The following ERGIC1 variants were observed in gnomAD, a reference collection of about 807,000 sequenced individuals.
ERGIC1 encodes the protein endoplasmic reticulum-golgi intermediate compartment 1.
In ERGIC1, 19 loss-of-function variants were observed where a neutral mutation model predicts 38.3. The ratio of observed to expected loss-of-function variants is 0.50; its 90% CI spans 0.35 to 0.73. ERGIC1 has a LOEUF of 0.73. Ranked by LOEUF, ERGIC1 falls within the 30% of genes least tolerant of loss-of-function variation. The pLI, the probability that ERGIC1 is intolerant of heterozygous loss-of-function variation, is 0.01. For synonymous variants in ERGIC1, 124 were observed against 157.6 expected (o/e 0.79, Z 1.60); for missense variants, 294 against 389.2 (o/e 0.76, Z 2.06).
At chr5:172,910,716 G>A (rs544168255) in intron 4 of ERGIC1, among the ~76,000 whole-genome samples, 19 of 151,942 alleles carry the variant, frequency 1.3e-4, no homozygotes, top group African/African-American at 4.6e-4. Flanking sequence ...GTAGAGACGG[G>A]GTTTCACCAT....
chr5:172,860,916 G>A lies in ERGIC1; in HGVS notation c.20+26483G>A, dbSNP rs143087283. Among the ~76,000 whole-genome samples, 430 of 152,334 alleles carry A rather than the reference G, an allele frequency of 2.8e-3. 1 individual carries two copies. Among genetic ancestry groups the A allele is most frequent in the African/African-American group, 0.01 (418 of 41,570 alleles). The stretch of plus-strand genomic sequence containing the variant: ...GACTGTGTGGGGAGGAAGGGCCGGC[G>A]AGAGCGGATGTAGGCTGAGCCAGCC... On this transcript the variant is annotated intron_variant, in intron 1 of 9. Coordinates refer to ENST00000393784, the MANE Select transcript of ERGIC1 (RefSeq NM_001031711.3).
intron 2 of ERGIC1, among the ~76,000 whole-genome samples, chr5:172,895,730 A>C (rs1197001265): frequency 1.3e-5 from 2 of 152,040 alleles, no homozygotes; most frequent in African/African-American, 4.8e-5. Flanking sequence ...TGGGAGGATG[A>C]GTAGGAGTTC....
At chr5:172,836,423 C>A (rs1221042022) in intron 1 of ERGIC1, among the ~76,000 whole-genome samples, 1 of 152,152 alleles carries the variant, frequency 6.6e-6, no homozygotes, top group Non-Finnish European at 1.5e-5. Flanking sequence ...TGTCAGGGGG[C>A]CCAGCTTAAC....
chr5:172,886,377 C>G (rs1762416980), intron 1 of ERGIC1, among the ~76,000 whole-genome samples: 1 of 152,066 alleles, frequency 6.6e-6, no homozygotes, highest in Admixed American at 6.5e-5. Context: ...CACACATCAC[C>G]CCCTGTAGGA....
intron 1 of ERGIC1, among the ~76,000 whole-genome samples, chr5:172,855,450 G>A (rs189989958): frequency 9.2e-5 from 14 of 152,264 alleles, no homozygotes; most frequent in African/African-American, 3.4e-4. Flanking sequence ...TATGTGCTGC[G>A]CCCTGTGCTG....
intron 1 of ERGIC1, among the ~76,000 whole-genome samples, chr5:172,845,879 C>T (rs563183357): frequency 4.6e-5 from 7 of 152,046 alleles, no homozygotes; most frequent in Admixed American, 3.3e-4. Context: ...ATCGAAGGTC[C>T]CACATTTGCA....
chr5:172,935,409 A>G, intron 9 of ERGIC1, 99 bp downstream of exon 9: 1 of 1,544,754 alleles, frequency 6.5e-7, no homozygotes, highest in Non-Finnish European at 8.8e-7. Context: ...TCGCTGAAAC[A>G]GGAGGCAGCC....
chr5:172,888,860 G>T, intron 2 of ERGIC1, 100 bp downstream of exon 2: 1 of 1,140,070 alleles, frequency 8.8e-7, no homozygotes, highest in South Asian at 1.2e-5. Context: ...AAGAAGGAAA[G>T]ACAGGAGGGA....
chr5:172,864,158 C>G (rs980159542), intron 1 of ERGIC1, among the ~76,000 whole-genome samples: 2 of 151,868 alleles, frequency 1.3e-5, no homozygotes, highest in Non-Finnish European at 2.9e-5. Flanking sequence ...GATCACGCCA[C>G]TGCACTCTAG....
At chr5:172,923,385 G>A (rs191500457) in intron 5 of ERGIC1, among the ~76,000 whole-genome samples, 1 of 150,844 alleles carries the variant, frequency 6.6e-6, no homozygotes, top group East Asian at 1.9e-4. Flanking sequence ...AGGGGGAGGA[G>A]GAGGGACTTC....
At chr5:172,923,918 C>A in intron 5 of ERGIC1, 87 bp from the exon 6 acceptor site, 1 of 1,174,100 alleles carries the variant, frequency 8.5e-7, no homozygotes, top group South Asian at 1.3e-5. Flanking sequence ...ATTCCAGTGT[C>A]CTCCCTGGAT....
chr5:172,864,714 G>A (rs914891804), intron 1 of ERGIC1, among the ~76,000 whole-genome samples: 2 of 151,940 alleles, frequency 1.3e-5, no homozygotes, highest in South Asian at 4.1e-4. Flanking sequence ...TTGTTGTAGA[G>A]GGTTAAAGCA....
At chr5:172,906,763 A>G (rs1763037267) in intron 3 of ERGIC1, among the ~76,000 whole-genome samples, 1 of 152,170 alleles carries the variant, frequency 6.6e-6, no homozygotes, top group South Asian at 2.1e-4. Flanking sequence ...TAAAATAACC[A>G]CAGCCCAGCC....
rs922797529 is a variant in ERGIC1, at chr5:172,906,316, C to T, written c.156-3351C>T. 4.6e-5 allele frequency: 17 copies of T among 371,206 alleles called. No individual in the cohort carries two copies. The Middle Eastern group carries it at 2.5e-3, about 54-fold the overall frequency. 23.0% of individuals were successfully genotyped at this position (371,206 alleles called of 1,614,324 possible). On this transcript the variant is annotated intron_variant, in intron 3 of 9. Coordinates refer to ENST00000393784, the MANE Select transcript of ERGIC1 (RefSeq NM_001031711.3). ...GAAAGGCTGGGTTGAGATTCTAGCT[C>T]GGCCATTTCCTAGCATGTGACTCCG...
chr5:172,918,499 C>T lies in ERGIC1; in HGVS notation c.375+3661C>T, dbSNP rs572168881. Among the ~76,000 whole-genome samples, 161 of 152,268 alleles carry T rather than the reference C, an allele frequency of 1.1e-3. 1 individual carries two copies. The highest frequency in any genetic ancestry group is 2.6e-4 in the Admixed American group (4 of 15,298). ...AACAAAAGGTGCAAGAAGGGGCAGTCGAACAGGAAGGAGGAAGCAAAGGCT... is the reference window on the plus strand; with the variant it reads ...AACAAAAGGTGCAAGAAGGGGCAGTTGAACAGGAAGGAGGAAGCAAAGGCT... On this transcript the variant is annotated intron_variant, in intron 5 of 9. Transcript: ENST00000393784.
intron 1 of ERGIC1, among the ~76,000 whole-genome samples, chr5:172,884,949 A>C (rs1762382566): frequency 6.6e-6 from 1 of 152,102 alleles, no homozygotes; most frequent in African/African-American, 2.4e-5. Flanking sequence ...TGGCCCCACT[A>C]TCCTTGTACA....
chr5:172,938,764 GAAAA>G (rs111845778), intron 9 of ERGIC1, among the ~76,000 whole-genome samples: 1 of 121,570 alleles, frequency 8.2e-6, no homozygotes, highest in African/African-American at 3.0e-5. Flanking sequence ...AAAAAAAAAA[GAAAA>G]AAAAAAAGAA....
intron 2 of ERGIC1, 67 bp from the exon 3 acceptor site, chr5:172,896,935 C>G (rs920405113): frequency 6.8e-7 from 1 of 1,469,812 alleles, no homozygotes; most frequent in African/African-American, 1.4e-5. Context: ...CCTCTTCCCT[C>G]TAGGCTGGTC....
At chr5:172,944,492 A>G (rs1276857112) in intron 9 of ERGIC1, among the ~76,000 whole-genome samples, 1 of 151,914 alleles carries the variant, frequency 6.6e-6, no homozygotes, top group Non-Finnish European at 1.5e-5. Context: ...CTGAGTAGCT[A>G]GGATTACAGG....
Sources: allele counts gnomAD v4.1 joint callset (sites outside exome capture counted in the v4.1 genomes callset), GRCh38; gene constraint gnomAD v4.1.1; transcripts MANE v1.5; gene names NCBI Gene and HGNC (gene_info 2026-07-23, HGNC 2026-07-21).